GPC5: variants seen among roughly 807,000 people sequenced by gnomAD.
GPC5 encodes the protein glypican-5.
Under a neutral mutation model 53.9 loss-of-function variants are expected in GPC5, and 47 were observed. That is an observed-to-expected ratio of 0.87 (90% confidence interval 0.69 to 1.11). The LOEUF is 1.11. GPC5 is among the 50% of genes most tolerant of loss of function. The pLI, the probability that GPC5 is intolerant of heterozygous loss-of-function variation, is 0.00. For synonymous variants in GPC5, 286 were observed against 263.3 expected (o/e 1.09, Z -0.84); for missense variants, 748 against 713.1 (o/e 1.05, Z -0.56).
intron 6 of GPC5, among the ~76,000 whole-genome samples, chr13:92,080,031 T>C (rs2041283016): frequency 6.6e-6 from 1 of 152,228 alleles, no homozygotes; most frequent in Non-Finnish European, 1.5e-5. Context: ...CTGGGTTGTT[T>C]AATTCATGGG....
At chr13:92,023,227 AT>A (rs1348446243) in intron 6 of GPC5, among the ~76,000 whole-genome samples, 4 of 151,934 alleles carry the variant, frequency 2.6e-5, no homozygotes, top group Non-Finnish European at 4.4e-5. Flanking sequence ...GATCTGGTCA[AT>A]TTTTTTTATA....
intron 7 of GPC5, among the ~76,000 whole-genome samples, chr13:92,714,980 G>C (rs1355018351): frequency 2.0e-5 from 3 of 152,106 alleles, no homozygotes; most frequent in African/African-American, 7.2e-5. Flanking sequence ...GCAGAGAATT[G>C]CTTGAACCTG....
chr13:92,125,924 G>GTTTTTTTTTTTTTTTTTTTTTT (rs1190169532), intron 6 of GPC5, among the ~76,000 whole-genome samples: 2 of 75,814 alleles, frequency 2.6e-5, no homozygotes, highest in African/African-American at 1.1e-4. Flanking sequence ...TTGTTTTTTG[G>GTTTTTTTTTTTTTTTTTTTTTT]TTTTTTTTTT....
At chr13:92,033,866 G>C (rs981137772) in intron 6 of GPC5, among the ~76,000 whole-genome samples, 11 of 152,188 alleles carry the variant, frequency 7.2e-5, no homozygotes, top group Admixed American at 1.3e-4. Flanking sequence ...CATGAAACAA[G>C]GGAATGTTAA....
chr13:92,011,809 C>A (rs1488106387), intron 6 of GPC5, among the ~76,000 whole-genome samples: 1 of 152,160 alleles, frequency 6.6e-6, no homozygotes, highest in Non-Finnish European at 1.5e-5. Flanking sequence ...TTTAATTAGT[C>A]TACTCGATTT....
chr13:92,436,798 G>A (rs1877323795), intron 7 of GPC5, among the ~76,000 whole-genome samples: 1 of 152,130 alleles, frequency 6.6e-6, no homozygotes, highest in East Asian at 1.9e-4. Flanking sequence ...AATAGGTGAT[G>A]ATCATTGTGA....
At chr13:92,215,320 C>T (rs2042402207) in intron 7 of GPC5, among the ~76,000 whole-genome samples, 1 of 152,138 alleles carries the variant, frequency 6.6e-6, no homozygotes, top group Admixed American at 6.5e-5. Flanking sequence ...ACAGCTCGAA[C>T]AAGTTTATTT....
At chr13:92,740,773 G>A (rs1186219021) in intron 7 of GPC5, among the ~76,000 whole-genome samples, 1 of 151,506 alleles carries the variant, frequency 6.6e-6, no homozygotes, top group East Asian at 1.9e-4. Flanking sequence ...AATAATGGCT[G>A]ATGTATTTTT....
intron 1 of GPC5, among the ~76,000 whole-genome samples, chr13:91,422,197 C>CAGATA (rs898925678): frequency 2.6e-5 from 4 of 152,198 alleles, no homozygotes; most frequent in African/African-American, 9.6e-5. Flanking sequence ...CTTTGTAAGA[C>CAGATA]AGATAGCTTT....
intron 1 of GPC5, among the ~76,000 whole-genome samples, chr13:91,404,221 A>G (rs1444282256): frequency 1.3e-5 from 2 of 152,186 alleles, no homozygotes; most frequent in African/African-American, 4.8e-5. Flanking sequence ...CATTTCTTTT[A>G]TAGTTACCTG....
intron 7 of GPC5, among the ~76,000 whole-genome samples, chr13:92,422,944 C>G (rs976425259): frequency 6.6e-6 from 1 of 152,222 alleles, no homozygotes; most frequent in Non-Finnish European, 1.5e-5. Flanking sequence ...TTCCTTCAGG[C>G]TGTTTTAACA....
chr13:92,864,572 AT>A (rs1265526398), intron 7 of GPC5, among the ~76,000 whole-genome samples: 1 of 151,998 alleles, frequency 6.6e-6, no homozygotes, highest in Admixed American at 6.6e-5. Context: ...GAAAAAAAAA[AT>A]ATTTTTAATT....
intron 7 of GPC5, among the ~76,000 whole-genome samples, chr13:92,840,000 T>A (rs1388013080): frequency 6.7e-6 from 1 of 149,958 alleles, no homozygotes; most frequent in African/African-American, 2.4e-5. Context: ...TTGATTGTGG[T>A]AATATTGGCA....
chr13:91,928,367 G>A (rs1448696163), intron 6 of GPC5, among the ~76,000 whole-genome samples: 1 of 152,158 alleles, frequency 6.6e-6, no homozygotes, highest in East Asian at 1.9e-4. Context: ...AGGACTTAGT[G>A]GAATAACTCT....
intron 6 of GPC5, among the ~76,000 whole-genome samples, chr13:91,978,499 T>C (rs548342665): frequency 6.6e-6 from 1 of 152,244 alleles, no homozygotes; most frequent in South Asian, 2.1e-4. Flanking sequence ...AAGCAAATGT[T>C]TGTGAGAGAG....
chr13:91,498,215 CTT>C (rs1429123700), intron 2 of GPC5, among the ~76,000 whole-genome samples: 4 of 133,090 alleles, frequency 3.0e-5, no homozygotes, highest in Admixed American at 7.7e-5. Context: ...TAAATATTGT[CTT>C]TTCAGAAATC....
intron 7 of GPC5, among the ~76,000 whole-genome samples, chr13:92,630,855 A>G (rs2139131508): frequency 6.6e-6 from 1 of 152,264 alleles, no homozygotes; most frequent in South Asian, 2.1e-4. Flanking sequence ...CTGGAAAGAC[A>G]ATGCTTATAT....
chr13:91,988,039 A>G (rs2040424895), intron 6 of GPC5, among the ~76,000 whole-genome samples: 1 of 147,180 alleles, frequency 6.8e-6, no homozygotes, highest in Non-Finnish European at 1.5e-5. Flanking sequence ...GTATTTATAT[A>G]TAAATATATA....
At chr13:92,505,261 T>C (rs1041679954) in intron 7 of GPC5, among the ~76,000 whole-genome samples, 4 of 151,640 alleles carry the variant, frequency 2.6e-5, no homozygotes, top group Admixed American at 2.6e-4. Context: ...TATAAAGAAA[T>C]CTCAAAATGT....
Sources: allele counts gnomAD v4.1 joint callset (sites outside exome capture counted in the v4.1 genomes callset), GRCh38; gene constraint gnomAD v4.1.1; transcripts MANE v1.5; gene names NCBI Gene and HGNC (gene_info 2026-07-23, HGNC 2026-07-21).